Variants in PKIA observed in about 807,000 individuals in gnomAD.
PKIA encodes cAMP-dependent protein kinase inhibitor alpha.
PKIA carries 4 observed loss-of-function variants against 7.6 expected under a neutral mutation model. The observed-to-expected ratio is 0.52, with a 90% CI of 0.26 to 1.20. PKIA has a LOEUF of 1.20. PKIA is among the 50% of genes most tolerant of loss of function. The pLI is 0.13. For missense variants in PKIA, 73 were observed against 86.2 expected (o/e 0.85, Z 0.61); for synonymous variants, 21 against 30.7 (o/e 0.68, Z 1.04).
chr8:78,518,456 CTGAA>C (rs1002612073), intron 1 of PKIA, among the ~76,000 whole-genome samples: 1 of 152,066 alleles, frequency 6.6e-6, no homozygotes, highest in Non-Finnish European at 1.5e-5. Context: ...CATCATTATT[CTGAA>C]TAATACTAAT....
chr8:78,574,383 G>T (rs1807626730), intron 2 of PKIA, among the ~76,000 whole-genome samples: 1 of 151,894 alleles, frequency 6.6e-6, no homozygotes, highest in African/African-American at 2.4e-5. Flanking sequence ...ACACAGTTAA[G>T]GGCAATTTCA....
At chr8:78,538,037 CTG>C (rs1471842247) in intron 1 of PKIA, among the ~76,000 whole-genome samples, 2 of 152,006 alleles carry the variant, frequency 1.3e-5, no homozygotes, top group Non-Finnish European at 2.9e-5. Flanking sequence ...CTCTAAGTCC[CTG>C]TGCTGACATA....
intron 1 of PKIA, among the ~76,000 whole-genome samples, chr8:78,533,120 T>C (rs1806436219): frequency 6.6e-6 from 1 of 152,092 alleles, no homozygotes; most frequent in Non-Finnish European, 1.5e-5. Context: ...TGTTGGTCCT[T>C]GCAGATGAGT....
chr8:78,557,678 C>T (rs963842508), intron 1 of PKIA, among the ~76,000 whole-genome samples: 3 of 151,986 alleles, frequency 2.0e-5, no homozygotes, highest in Non-Finnish European at 4.4e-5. Flanking sequence ...TATTAAATAC[C>T]CATTTTATAG....
chr8:78,566,276 T>C (rs1297198450), intron 1 of PKIA, among the ~76,000 whole-genome samples: 1 of 152,080 alleles, frequency 6.6e-6, no homozygotes, highest in Non-Finnish European at 1.5e-5. Flanking sequence ...AGCTACAAAT[T>C]CATAGTCTAA....
At chr8:78,589,177 T>C (rs1465046984) in intron 2 of PKIA, among the ~76,000 whole-genome samples, 2 of 152,036 alleles carry the variant, frequency 1.3e-5, no homozygotes, top group African/African-American at 4.8e-5. Flanking sequence ...AGAAAGAGGA[T>C]TGAAGATGAA....
chr8:78,567,650 G>A (rs563020099), intron 1 of PKIA, among the ~76,000 whole-genome samples: 61 of 152,062 alleles, frequency 4.0e-4, no homozygotes, highest in Non-Finnish European at 7.5e-4. Flanking sequence ...AAATCACTAC[G>A]CTCAGCCAAC....
intron 1 of PKIA, among the ~76,000 whole-genome samples, chr8:78,570,755 CTT>C: frequency 6.6e-6 from 1 of 152,080 alleles, no homozygotes; most frequent in Non-Finnish European, 1.5e-5. Context: ...TCTAAGCACT[CTT>C]TATACCAGTT....
intron 2 of PKIA, among the ~76,000 whole-genome samples, chr8:78,593,239 C>G (rs1808146473): frequency 1.3e-5 from 2 of 152,182 alleles, no homozygotes; most frequent in Admixed American, 1.3e-4. Flanking sequence ...TCTCCTGCCT[C>G]AGCCTCCTGT....
intron 1 of PKIA, among the ~76,000 whole-genome samples, chr8:78,529,982 G>T (rs757625696): frequency 2.0e-5 from 3 of 152,018 alleles, no homozygotes; most frequent in Non-Finnish European, 2.9e-5. Flanking sequence ...TCTAAACATT[G>T]CTGAGAGTGT....
chr8:78,536,859 TACACACACACACACACACAC>T (rs58547049), intron 1 of PKIA, among the ~76,000 whole-genome samples: 1,447 of 136,130 alleles, frequency 0.011, 65 homozygotes, highest in Admixed American at 0.079. Context: ...CTAGAAAACA[TACACACACACACACACACAC>T]ACACACACAC....
intron 2 of PKIA, among the ~76,000 whole-genome samples, chr8:78,582,616 A>C (rs747727585): frequency 6.6e-6 from 1 of 152,080 alleles, no homozygotes; most frequent in Non-Finnish European, 1.5e-5. Flanking sequence ...TTACTGTACA[A>C]ATGTCTATAA....
chr8:78,545,034 G>A (rs188175585), intron 1 of PKIA, among the ~76,000 whole-genome samples: 1 of 151,788 alleles, frequency 6.6e-6, no homozygotes, highest in East Asian at 1.9e-4. Flanking sequence ...TTTCACTATT[G>A]GAAATAATAA....
At chr8:78,578,048 G>C (rs1807716850) in intron 2 of PKIA, among the ~76,000 whole-genome samples, 1 of 151,822 alleles carries the variant, frequency 6.6e-6, no homozygotes. Flanking sequence ...TCACTGGTAA[G>C]CCCCTTTTTA....
At chr8:78,585,952 C>G (rs952291158) in intron 2 of PKIA, among the ~76,000 whole-genome samples, 1 of 152,152 alleles carries the variant, frequency 6.6e-6, no homozygotes, top group South Asian at 2.1e-4. Flanking sequence ...GTGCTGGCCT[C>G]TCATTTATCC....
At chr8:78,577,171 A>G (rs1807694370) in intron 2 of PKIA, among the ~76,000 whole-genome samples, 1 of 151,988 alleles carries the variant, frequency 6.6e-6, no homozygotes, top group Non-Finnish European at 1.5e-5. Context: ...TTTGTTATAT[A>G]TGTATACATG....
At chr8:78,582,173 GTT>G (rs112095411) in intron 2 of PKIA, among the ~76,000 whole-genome samples, 17 of 129,652 alleles carry the variant, frequency 1.3e-4, no homozygotes, top group African/African-American at 2.5e-4. Flanking sequence ...AATATTTCGT[GTT>G]TTTTTTTTTT....
chr8:78,565,571 G>A (rs1350390089), intron 1 of PKIA, among the ~76,000 whole-genome samples: 9 of 151,884 alleles, frequency 5.9e-5, no homozygotes, highest in Admixed American at 5.9e-4. Context: ...ATAGTTAGAA[G>A]CTCCTAAATT....
chr8:78,587,191 G>A (rs1807968303), intron 2 of PKIA, among the ~76,000 whole-genome samples: 1 of 152,148 alleles, frequency 6.6e-6, no homozygotes, highest in African/African-American at 2.4e-5. Flanking sequence ...AGGAGGGCAA[G>A]TCATAGATTA....
Sources: allele counts gnomAD v4.1 joint callset (sites outside exome capture counted in the v4.1 genomes callset), GRCh38; gene constraint gnomAD v4.1.1; transcripts MANE v1.5; gene names NCBI Gene and HGNC (gene_info 2026-07-23, HGNC 2026-07-21).